Variants in GAP43 observed in about 807,000 individuals in gnomAD.
GAP43 encodes growth associated protein 43, also known as neuromodulin.
Under a neutral mutation model 18.6 loss-of-function variants are expected in GAP43, and 6 were observed. The ratio of observed to expected loss-of-function variants is 0.32; its 90% CI spans 0.18 to 0.64. GAP43 has a LOEUF of 0.64. GAP43 is among the 30% of genes least tolerant of loss of function. The pLI, the probability that GAP43 is intolerant of heterozygous loss-of-function variation, is 0.78. For missense variants in GAP43, 292 were observed against 295.5 expected (o/e 0.99, Z 0.09); for synonymous variants, 115 against 111.4 (o/e 1.03, Z -0.20).
intron 1 of GAP43, among the ~76,000 whole-genome samples, chr3:115,657,801 C>A (rs1291901106): frequency 6.6e-6 from 1 of 152,100 alleles, no homozygotes; most frequent in Non-Finnish European, 1.5e-5. Flanking sequence ...AAGCAATCCT[C>A]CCCACCTCTG....
intron 2 of GAP43, among the ~76,000 whole-genome samples, chr3:115,695,168 G>C (rs1222232574): frequency 2.0e-5 from 3 of 152,156 alleles, no homozygotes. Context: ...AAGAATATTA[G>C]TGCTTGGAAA....
intron 2 of GAP43, among the ~76,000 whole-genome samples, chr3:115,680,124 C>T (rs1402715292): frequency 1.3e-5 from 2 of 151,938 alleles, no homozygotes; most frequent in Non-Finnish European, 2.9e-5. Flanking sequence ...TTTATATTAA[C>T]TTTCTTCTGT....
At chr3:115,656,919 A>G (rs553976313) in intron 1 of GAP43, among the ~76,000 whole-genome samples, 1 of 152,334 alleles carries the variant, frequency 6.6e-6, no homozygotes, top group African/African-American at 2.4e-5. Context: ...CCATTTCCTC[A>G]TATATAATTT....
intron 2 of GAP43, among the ~76,000 whole-genome samples, chr3:115,700,017 G>T (rs576812381): frequency 2.0e-5 from 3 of 152,286 alleles, no homozygotes; most frequent in Admixed American, 2.0e-4. Context: ...GGCCTTAAAT[G>T]ACACCTCAGA....
chr3:115,625,597 C>T (rs1458897545), intron 1 of GAP43, among the ~76,000 whole-genome samples: 1 of 152,016 alleles, frequency 6.6e-6, no homozygotes, highest in African/African-American at 2.4e-5. Flanking sequence ...TTGTTCCCAC[C>T]CTATGTGTAC....
At chr3:115,671,867 G>C (rs1708818207) in intron 1 of GAP43, among the ~76,000 whole-genome samples, 1 of 152,176 alleles carries the variant, frequency 6.6e-6, no homozygotes, top group Non-Finnish European at 1.5e-5. Flanking sequence ...TACTTGAAAA[G>C]AAGAGTGTAA....
At chr3:115,720,067 T>C (rs1293349645) in intron 2 of GAP43, among the ~76,000 whole-genome samples, 1 of 152,212 alleles carries the variant, frequency 6.6e-6, no homozygotes, top group Non-Finnish European at 1.5e-5. Flanking sequence ...TATATTACAA[T>C]GCTTTAAAGA....
intron 1 of GAP43, among the ~76,000 whole-genome samples, chr3:115,654,675 G>A (rs1356340219): frequency 6.6e-6 from 1 of 152,174 alleles, no homozygotes; most frequent in Admixed American, 6.5e-5. Flanking sequence ...AAGAAACACA[G>A]TATGTTTATC....
chr3:115,623,562 G>C lies in GAP43; in HGVS notation c.-128G>C, dbSNP rs181560937. Reference sequence around the variant, plus strand: ...TGTGAGGGAGAGAGAGGGAGGGAGGGAGAGAGAGCGCGCTAGCGCGAGAGA... The same window carrying C: ...TGTGAGGGAGAGAGAGGGAGGGAGGCAGAGAGAGCGCGCTAGCGCGAGAGA... On this transcript the variant is annotated 5_prime_UTR_variant, in exon 1 of 3. Transcript: ENST00000305124. 146 of 1,213,030 alleles carry C rather than the reference G, an allele frequency of 1.2e-4. No individual in the cohort carries two copies. In the East Asian group the frequency reaches 3.6e-3, roughly 30 times the overall value. 75.1% of individuals were successfully genotyped at this position (1,213,030 alleles called of 1,614,324 possible). A position where few individuals can be genotyped will look rare whatever the true frequency, so the allele number is the denominator to read the frequency against.
chr3:115,671,554 C>T (rs1401316676), intron 1 of GAP43, among the ~76,000 whole-genome samples: 1 of 152,136 alleles, frequency 6.6e-6, no homozygotes, highest in Non-Finnish European at 1.5e-5. Context: ...TAAGCCATAA[C>T]AATAAAGATT....
At chr3:115,700,616 A>ATAT (rs1293303245) in intron 2 of GAP43, among the ~76,000 whole-genome samples, 1 of 151,982 alleles carries the variant, frequency 6.6e-6, no homozygotes, top group Admixed American at 6.6e-5. Flanking sequence ...ATTTCTCTCT[A>ATAT]TATTATTATG....
chr3:115,674,017 C>T (rs982150640), intron 1 of GAP43, among the ~76,000 whole-genome samples: 2 of 152,092 alleles, frequency 1.3e-5, no homozygotes, highest in African/African-American at 2.4e-5. Context: ...TACGCTTGTC[C>T]AAAGAATGTC....
intron 1 of GAP43, among the ~76,000 whole-genome samples, chr3:115,670,229 G>A (rs908608761): frequency 7.7e-6 from 1 of 129,336 alleles, no homozygotes; most frequent in Non-Finnish European, 1.6e-5. Context: ...TCCCACCTAT[G>A]AGTGAGAATA....
In GAP43 at chr3:115,652,479, G is replaced by C. The variant is rs1708533284; in HGVS notation, c.31-23534G>C. Among the ~76,000 whole-genome samples, 3 of 147,036 alleles carry C rather than the reference G, an allele frequency of 2.0e-5. No individual in the cohort carries two copies. In the South Asian group the frequency reaches 6.5e-4, roughly 32 times the overall value. On this transcript the variant is annotated intron_variant, in intron 1 of 2. Transcript: ENST00000305124. ...TAACTCACCACACCCTCAACTTCTG[G>C]GATCAAGCAATTCTCCCACTTCAGC... is the stretch of plus-strand genomic sequence containing the variant.
At chr3:115,697,950 G>A (rs73136448) in intron 2 of GAP43, among the ~76,000 whole-genome samples, 1,741 of 140,188 alleles carry the variant, frequency 0.012, 16 homozygotes, top group African/African-American at 0.018. Context: ...TTCTTCAAAG[G>A]AACCACTGCA....
intron 2 of GAP43, among the ~76,000 whole-genome samples, chr3:115,692,218 T>C (rs1326975942): frequency 6.6e-6 from 1 of 152,192 alleles, no homozygotes; most frequent in Admixed American, 6.5e-5. Context: ...TAATGAACGA[T>C]GAAGCATGTT....
intron 2 of GAP43, among the ~76,000 whole-genome samples, chr3:115,702,099 T>C (rs1311436966): frequency 6.6e-6 from 1 of 152,046 alleles, no homozygotes; most frequent in Non-Finnish European, 1.5e-5. Flanking sequence ...GATAAAGACA[T>C]AGGATTGGAG....
At chr3:115,706,556 C>A (rs1197075822) in intron 2 of GAP43, among the ~76,000 whole-genome samples, 1 of 152,116 alleles carries the variant, frequency 6.6e-6, no homozygotes, top group Non-Finnish European at 1.5e-5. Context: ...TTTGAAATAC[C>A]ATCGATATCA....
chr3:115,649,971 G>A (rs1162489674), intron 1 of GAP43, among the ~76,000 whole-genome samples: 1 of 152,062 alleles, frequency 6.6e-6, no homozygotes, highest in African/African-American at 2.4e-5. Flanking sequence ...TAACTGACAG[G>A]AATGAATTAG....
Sources: allele counts gnomAD v4.1 joint callset (sites outside exome capture counted in the v4.1 genomes callset), GRCh38; gene constraint gnomAD v4.1.1; transcripts MANE v1.5; gene names NCBI Gene and HGNC (gene_info 2026-07-23, HGNC 2026-07-21).